SLC9A9: variants seen among roughly 807,000 people sequenced by gnomAD.
SLC9A9 encodes solute carrier family 9 member A9.
In SLC9A9, 62 loss-of-function variants were observed where a neutral mutation model predicts 77.8. The ratio of observed to expected loss-of-function variants is 0.80; its 90% CI spans 0.65 to 0.98. The LOEUF (loss-of-function observed/expected upper bound fraction) is 0.98, where lower values mean the gene tolerates loss of function less well. SLC9A9 is among the 50% of genes least tolerant of loss of function. The pLI is 0.00. For missense variants in SLC9A9, 775 were observed against 774.9 expected, an observed-to-expected ratio of 1.00 and a Z score of 0.00; for synonymous variants, 320 against 283.5, an observed-to-expected ratio of 1.13 and a Z score of -1.29.
chr3:143,833,029 T>A (rs1355783080), intron 1 of SLC9A9, among the ~76,000 whole-genome samples: 1 of 152,182 alleles, frequency 6.6e-6, no homozygotes, highest in East Asian at 1.9e-4. Context: ...AATCCTTGAA[T>A]TTTTACGTTT....
At chr3:143,422,929 G>A (rs1256042411) in intron 12 of SLC9A9, among the ~76,000 whole-genome samples, 2 of 152,128 alleles carry the variant, frequency 1.3e-5, no homozygotes, top group African/African-American at 4.8e-5. Context: ...AGTAGTTCAA[G>A]ACTTGTTTAA....
At chr3:143,499,819 C>T (rs1458557042) in intron 9 of SLC9A9, among the ~76,000 whole-genome samples, 1 of 152,024 alleles carries the variant, frequency 6.6e-6, no homozygotes, top group African/African-American at 2.4e-5. Flanking sequence ...TTTCCTTTAC[C>T]TATTAAGATG....
At chr3:143,599,358 G>A (rs187109713) in intron 6 of SLC9A9, among the ~76,000 whole-genome samples, 1 of 152,126 alleles carries the variant, frequency 6.6e-6, no homozygotes, top group African/African-American at 2.4e-5. Context: ...ATAATAAAAG[G>A]ACTTTTCCTG....
intron 12 of SLC9A9, among the ~76,000 whole-genome samples, chr3:143,400,793 G>A (rs1225170821): frequency 6.6e-6 from 1 of 151,576 alleles, no homozygotes; most frequent in East Asian, 1.9e-4. Flanking sequence ...TCACTGGGTG[G>A]AATCAGAGCC....
intron 12 of SLC9A9, among the ~76,000 whole-genome samples, chr3:143,432,608 T>C (rs1211292560): frequency 3.3e-5 from 5 of 152,120 alleles, no homozygotes; most frequent in African/African-American, 9.7e-5. Context: ...CCCCCTAGAA[T>C]GGTGGCCACC....
At chr3:143,345,520 A>C (rs1016737726) in intron 14 of SLC9A9, among the ~76,000 whole-genome samples, 2 of 152,186 alleles carry the variant, frequency 1.3e-5, no homozygotes, top group African/African-American at 2.4e-5. Context: ...TGCTTTAGTA[A>C]AGTTGTTGAG....
intron 12 of SLC9A9, among the ~76,000 whole-genome samples, chr3:143,462,990 T>C (rs2035221239): frequency 6.6e-6 from 1 of 152,168 alleles, no homozygotes; most frequent in South Asian, 2.1e-4. Context: ...ATCATCCCCA[T>C]TTTATAGATT....
rs35110625 is a variant in SLC9A9 at position 143,711,579 on chromosome 3, A to ATT, written c.534-18274_534-18273dup. Among the ~76,000 whole-genome samples, 401 of 134,174 alleles carry ATT rather than the reference A, an allele frequency of 3.0e-3. 1 individual carries two copies. Among genetic ancestry groups the ATT allele is most frequent in the South Asian group, 0.021 (88 of 4,174 alleles). The allele number at this position is 134,174 out of a possible 152,430, so 88.0% of individuals were successfully genotyped here. A position where few individuals can be genotyped will look rare whatever the true frequency, so the allele number is the denominator to read the frequency against. On this transcript the variant is annotated intron_variant, in intron 4 of 15. Coordinates refer to ENST00000316549, the MANE Select transcript of SLC9A9 (RefSeq NM_173653.4). ...CACACCTGGCTAATTTAAAAAAAAA[A>ATT]TTTTTTTTTTTTTTTTTTTAAAGAA... is the stretch of plus-strand genomic sequence containing the variant.
intron 4 of SLC9A9, among the ~76,000 whole-genome samples, chr3:143,776,049 T>C (rs1247228429): frequency 6.6e-6 from 1 of 152,208 alleles, no homozygotes; most frequent in Non-Finnish European, 1.5e-5. Flanking sequence ...ATTGAAGAAA[T>C]GTACGTGTTC....
At chr3:143,669,289 G>A (rs1374269823) in intron 5 of SLC9A9, among the ~76,000 whole-genome samples, 1 of 152,174 alleles carries the variant, frequency 6.6e-6, no homozygotes, top group African/African-American at 2.4e-5. Flanking sequence ...GTGTGGGCTG[G>A]ACACTGACTT....
intron 14 of SLC9A9, among the ~76,000 whole-genome samples, chr3:143,281,567 T>C (rs1938221756): frequency 6.6e-6 from 1 of 152,036 alleles, no homozygotes; most frequent in African/African-American, 2.4e-5. Flanking sequence ...TTGGGATGAG[T>C]TGACTTGAGG....
intron 1 of SLC9A9, chr3:143,847,891 G>C: frequency 7.5e-6 from 4 of 534,160 alleles, no homozygotes; most frequent in Non-Finnish European, 1.3e-5. Flanking sequence ...CATGACAATG[G>C]ACCCGCATCT....
intron 4 of SLC9A9, among the ~76,000 whole-genome samples, chr3:143,737,787 G>A (rs550521053): frequency 6.6e-6 from 1 of 152,150 alleles, no homozygotes; most frequent in South Asian, 2.1e-4. Flanking sequence ...TCAAAAGTAT[G>A]AGAAAACTAT....
intron 10 of SLC9A9, 106 bp downstream of exon 10, chr3:143,495,229 C>T (rs1458946107): frequency 2.1e-6 from 2 of 930,280 alleles, no homozygotes; most frequent in Non-Finnish European, 3.5e-6. Flanking sequence ...CTGAGCCTTG[C>T]AGTGGACTTT....
At chr3:143,406,978 GAAAAAA>G (rs57344964) in intron 12 of SLC9A9, among the ~76,000 whole-genome samples, 1 of 69,394 alleles carries the variant, frequency 1.4e-5, no homozygotes, top group Non-Finnish European at 2.8e-5. Context: ...TCCATCTCGA[GAAAAAA>G]AAAAAAAAAA....
chr3:143,326,023 C>T (rs963024198), intron 14 of SLC9A9, among the ~76,000 whole-genome samples: 13 of 152,070 alleles, frequency 8.5e-5, no homozygotes, highest in East Asian at 3.9e-4. Flanking sequence ...AAGTGCTCTG[C>T]GAAAACTTTA....
chr3:143,788,523 T>C (rs1010105225), intron 4 of SLC9A9, among the ~76,000 whole-genome samples: 1 of 151,986 alleles, frequency 6.6e-6, no homozygotes, highest in African/African-American at 2.4e-5. Flanking sequence ...AAACCCCATC[T>C]CTACTAAAAC....
At chr3:143,470,591 A>G (rs1411203064) in intron 11 of SLC9A9, among the ~76,000 whole-genome samples, 1 of 152,210 alleles carries the variant, frequency 6.6e-6, no homozygotes, top group Non-Finnish European at 1.5e-5. Context: ...AGTACGTAAC[A>G]TTAGAAGTAT....
intron 5 of SLC9A9, among the ~76,000 whole-genome samples, chr3:143,690,199 A>G (rs1007846316): frequency 6.6e-6 from 1 of 152,008 alleles, no homozygotes; most frequent in Non-Finnish European, 1.5e-5. Context: ...TTGAGAATAT[A>G]TGTTTTAAGC....
Sources: gnomAD v4.1 joint callset for allele counts (sites outside exome capture counted in the v4.1 genomes callset) on GRCh38, gnomAD v4.1.1 for gene constraint, MANE v1.5 for transcripts, NCBI Gene and HGNC (gene_info 2026-07-23, HGNC 2026-07-21) for gene names.